The following SIL1 variants were observed in gnomAD, a reference collection of about 807,000 sequenced individuals.
SIL1 encodes nucleotide exchange factor SIL1.
In SIL1, 40 loss-of-function variants were observed where a neutral mutation model predicts 49.1. The ratio of observed to expected loss-of-function variants is 0.81; its 90% CI spans 0.63 to 1.06. The LOEUF is 1.06. Among genes scored for constraint, SIL1 ranks in the 50% least tolerant of loss-of-function variants. The pLI is 0.00. For missense variants in SIL1, 500 were observed against 572.6 expected (o/e 0.87, Z 1.29); for synonymous variants, 253 against 250.8 (o/e 1.01, Z -0.08).
chr5:139,128,465 C>A (rs1273017702), intron 1 of SIL1, among the ~76,000 whole-genome samples: 1 of 151,878 alleles, frequency 6.6e-6, no homozygotes, highest in South Asian at 2.1e-4. Context: ...CACAGTGAGA[C>A]CCTGTCTCCA....
At chr5:139,145,148 C>T (rs1751168330) in intron 1 of SIL1, among the ~76,000 whole-genome samples, 1 of 152,146 alleles carries the variant, frequency 6.6e-6, no homozygotes, top group South Asian at 2.1e-4. Context: ...AACAGAAAGA[C>T]AAACAACCTA....
intron 3 of SIL1, among the ~76,000 whole-genome samples, chr5:139,062,043 C>G (rs898211361): frequency 6.6e-6 from 1 of 152,162 alleles, no homozygotes; most frequent in Non-Finnish European, 1.5e-5. Context: ...ACTACTAAAG[C>G]CCTCTCCTCC....
At chr5:139,116,768 T>G (rs1251654841) in intron 3 of SIL1, among the ~76,000 whole-genome samples, 1 of 152,248 alleles carries the variant, frequency 6.6e-6, no homozygotes, top group African/African-American at 2.4e-5. Flanking sequence ...CACGCCACTG[T>G]GCCCAGAACA....
chr5:139,028,702 C>T (rs1015282586), intron 5 of SIL1, among the ~76,000 whole-genome samples: 2 of 152,086 alleles, frequency 1.3e-5, no homozygotes, highest in African/African-American at 4.8e-5. Context: ...GACACAGGTA[C>T]CATACTGTTA....
At chr5:139,129,558 G>C (rs1237455527) in intron 1 of SIL1, among the ~76,000 whole-genome samples, 1 of 152,218 alleles carries the variant, frequency 6.6e-6, no homozygotes, top group Non-Finnish European at 1.5e-5. Flanking sequence ...TGTAGTCCCA[G>C]CTACTCAGGA....
At position 138,948,361 on chromosome 5, in the gene SIL1, C is replaced by T. The variant is rs1766682087; in HGVS notation, c.1030-888G>A. 6.6e-6 allele frequency among the ~76,000 whole-genome samples: 1 copy of T among 152,196 alleles called. No individual in the cohort carries two copies. Among genetic ancestry groups the T allele is most frequent in the South Asian group, 2.1e-4 (1 of 4,828 alleles). ...CCCCTCAGTCCTGCCAGCTTCGCTT[C>T]CAAAACACACCCCAATTCTGTCAGC... On this transcript the variant is annotated intron_variant, in intron 9 of 9. Transcript: ENST00000394817. The surrounding 1 kb of genome is among the most constrained non-coding windows in gnomAD (Gnocchi z 4.8).
At chr5:139,158,543 C>T (rs115953896) in intron 1 of SIL1, among the ~76,000 whole-genome samples, 15 of 152,300 alleles carry the variant, frequency 9.8e-5, no homozygotes, top group African/African-American at 3.6e-4. Flanking sequence ...AGGGAGCCCA[C>T]CCCTGCTCCC....
chr5:138,964,958 G>T (rs955178564), intron 7 of SIL1, among the ~76,000 whole-genome samples: 1 of 152,248 alleles, frequency 6.6e-6, no homozygotes, highest in Non-Finnish European at 1.5e-5. Flanking sequence ...GAGGGAACCC[G>T]ACAAGAAAGC....
chr5:138,969,306 C>A (rs59456046), intron 7 of SIL1, among the ~76,000 whole-genome samples: 1,604 of 152,290 alleles, frequency 0.011, 29 homozygotes, highest in African/African-American at 0.036. Flanking sequence ...AGATATGTCC[C>A]CAGGTGGCCA....
chr5:139,111,876 G>A (rs549632318), intron 3 of SIL1, among the ~76,000 whole-genome samples: 15 of 152,068 alleles, frequency 9.9e-5, no homozygotes, highest in South Asian at 4.2e-4. Flanking sequence ...CTCTTTCCAC[G>A]GTCTCCCTCT....
chr5:139,037,358 T>C (rs1478915415), intron 5 of SIL1, among the ~76,000 whole-genome samples: 1 of 152,252 alleles, frequency 6.6e-6, no homozygotes, highest in Non-Finnish European at 1.5e-5. Context: ...CTGGATTCAC[T>C]TTATGAATCT....
chr5:139,165,574 T>C (rs1751601428), intron 1 of SIL1, among the ~76,000 whole-genome samples: 1 of 152,182 alleles, frequency 6.6e-6, no homozygotes, highest in Non-Finnish European at 1.5e-5. Context: ...GGTCTTGAAC[T>C]CCTGACCTCA....
chr5:139,121,630 G>A (rs190562452), intron 2 of SIL1, among the ~76,000 whole-genome samples: 2 of 152,248 alleles, frequency 1.3e-5, no homozygotes, highest in East Asian at 1.9e-4. Context: ...GGCCTCAAAT[G>A]GCCACTACAG....
At chr5:138,990,907 G>A (rs892885002) in intron 7 of SIL1, among the ~76,000 whole-genome samples, 1 of 152,192 alleles carries the variant, frequency 6.6e-6, no homozygotes, top group Non-Finnish European at 1.5e-5. Context: ...GTAGAGACGG[G>A]GTTTTGCCAT....
chr5:139,177,608 C>T (rs564598802), intron 1 of SIL1, among the ~76,000 whole-genome samples: 22 of 152,060 alleles, frequency 1.4e-4, no homozygotes, highest in Non-Finnish European at 2.9e-4. Flanking sequence ...TGCAGCATGG[C>T]CTTCCAGATG....
At chr5:138,977,267 G>A (rs1767414425) in intron 7 of SIL1, among the ~76,000 whole-genome samples, 1 of 151,974 alleles carries the variant, frequency 6.6e-6, no homozygotes, top group Admixed American at 6.6e-5. Flanking sequence ...CCTAATCTGG[G>A]GAACAATAAT....
intron 7 of SIL1, among the ~76,000 whole-genome samples, chr5:138,960,904 T>A (rs936427127): frequency 2.0e-4 from 31 of 152,178 alleles, no homozygotes; most frequent in African/African-American, 7.5e-4. Flanking sequence ...AAAAGAAAAT[T>A]AGAGTTGGGA....
chr5:138,981,300 C>T (rs923247935), intron 7 of SIL1, among the ~76,000 whole-genome samples: 1 of 151,862 alleles, frequency 6.6e-6, no homozygotes, highest in Non-Finnish European at 1.5e-5. Context: ...GGGTCTCGGA[C>T]CACAAGCTGA....
At chr5:138,958,632 G>A (rs928340813) in intron 7 of SIL1, among the ~76,000 whole-genome samples, 1 of 151,944 alleles carries the variant, frequency 6.6e-6, no homozygotes, top group Non-Finnish European at 1.5e-5. Flanking sequence ...TCAACATGAT[G>A]CTCAAAGGAA....
Sources: gnomAD v4.1 joint callset for allele counts (sites outside exome capture counted in the v4.1 genomes callset) on GRCh38, gnomAD v4.1.1 for gene constraint, Gnocchi (gnomAD v3.1) non-coding constraint, MANE v1.5 for transcripts, NCBI Gene and HGNC (gene_info 2026-07-23, HGNC 2026-07-21) for gene names.